The following PLA2G4D variants were observed in gnomAD, a reference collection of about 807,000 sequenced individuals.
The protein encoded by PLA2G4D is cytosolic phospholipase A2 delta.
PLA2G4D carries 80 observed loss-of-function variants against 94.4 expected under a neutral mutation model. The observed-to-expected ratio is 0.85, with a 90% CI of 0.71 to 1.02. The LOEUF is 1.02. PLA2G4D is among the 50% of genes least tolerant of loss of function. The pLI is 0.00. For synonymous variants in PLA2G4D, 438 were observed against 440.9 expected (o/e 0.99, Z 0.08); for missense variants, 1,050 against 1,034.7 (o/e 1.01, Z -0.20).
At chr15:42,090,078 G>T (rs1432626516) in intron 1 of PLA2G4D, among the ~76,000 whole-genome samples, 3 of 152,200 alleles carry the variant, frequency 2.0e-5, no homozygotes. Context: ...GGGGCTTAAA[G>T]GCAGACTCTG....
At chr15:42,081,179 C>T in intron 11 of PLA2G4D, 46 bp from the exon 12 acceptor site, 2 of 1,595,654 alleles carry the variant, frequency 1.3e-6, no homozygotes, top group Non-Finnish European at 1.7e-6. Flanking sequence ...AAGGGGCCAG[C>T]TGCCTCCTGT....
intron 18 of PLA2G4D, 37 bp downstream of exon 18, chr15:42,070,680 G>A (rs1351207435): frequency 6.5e-7 from 1 of 1,540,800 alleles, no homozygotes; most frequent in African/African-American, 1.4e-5. Context: ...GCTTGGCCTG[G>A]CTGGGCAGAG....
Position 42,094,511 on chromosome 15 carries a change from C to G in PLA2G4D, c.-52G>C, listed in dbSNP as rs779883747. On this transcript the variant is annotated 5_prime_UTR_variant, in exon 1 of 20. Coordinates refer to ENST00000290472, the MANE Select transcript of PLA2G4D (RefSeq NM_178034.4). ...CCCAGCCCTTGCCAAGATGCTGGCT[C>G]TCTGGCTGAGTGGCAGCGACGGTCC... The G allele has an allele frequency of 5.6e-6, 9 of 1,610,816 alleles. No homozygotes were observed. Among genetic ancestry groups the G allele is most frequent in the Admixed American group, 3.3e-5 (2 of 59,956 alleles).
chr15:42,094,471 C>T lies in PLA2G4D; in HGVS notation c.-12G>A. On this transcript the variant is annotated 5_prime_UTR_variant, in exon 1 of 20. Coordinates refer to ENST00000290472, the MANE Select transcript of PLA2G4D (RefSeq NM_178034.4). ...GACAGGCTCTCCATGCTAGCCCTTC[C>T]AGCTTCACTCCAGGCCCAGCCCTTG... 6.2e-7 allele frequency: 1 copy of T among 1,614,126 alleles called. No individual in the cohort carries two copies. The highest frequency in any genetic ancestry group is 1.1e-5 in the South Asian group (1 of 91,086).
In PLA2G4D at chr15:42,081,513, G is replaced by C. The variant is rs773602556; in HGVS notation, c.923C>G (p.Ala308Gly). 42 of 1,614,186 alleles carry C rather than the reference G, an allele frequency of 2.6e-5. No homozygotes were observed. The highest frequency in any genetic ancestry group is 3.3e-4 in the Middle Eastern group (2 of 6,062). The change falls in exon 11 of 20, where the codon GCC becomes GGC. Residue 308 changes from alanine to glycine, a missense_variant. Coordinates refer to ENST00000290472, the MANE Select transcript of PLA2G4D (RefSeq NM_178034.4). ...CTGCAGGTCTCTGTCCAGCTGCAGGGCCTGCTTCAGGGCCTTGGCCACCAC... is the reference window on the plus strand; with the variant it reads ...CTGCAGGTCTCTGTCCAGCTGCAGGCCCTGCTTCAGGGCCTTGGCCACCAC... ...KQVVAKALKQALQLDRDLQED... is the reference protein window; with the variant it reads ...KQVVAKALKQGLQLDRDLQED...
chr15:42,069,911 G>C lies in PLA2G4D; in HGVS notation c.2228C>G (p.Pro743Arg). The C allele has an allele frequency of 7.1e-7, 1 of 1,416,286 alleles. No homozygotes were observed. The highest frequency in any genetic ancestry group is 9.2e-7 in the Non-Finnish European group (1 of 1,085,168). 87.7% of individuals were successfully genotyped at this position (1,416,286 alleles called of 1,614,324 possible). The change falls in exon 19 of 20, where the codon CCC becomes CGC. Residue 743 changes from proline (P) to arginine (R), a missense_variant and splice_region_variant. Coordinates refer to ENST00000290472, the MANE Select transcript of PLA2G4D (RefSeq NM_178034.4). The stretch of plus-strand genomic sequence containing the variant: ...GTGCTTGGGAGGGGCTGCCTCACCG[G>C]GGGCTGAGTGGTCCTTGAAGGAGGC... ...VNASFKDHSA[P>R]GVQRSPAELQ... is the part of the protein sequence containing the mutation.
At position 42,079,530 on chromosome 15, in the gene PLA2G4D, G is replaced by A. The variant is rs765887048; in HGVS notation, c.1317+7C>T. The A allele has an allele frequency of 2.5e-6, 4 of 1,589,436 alleles. No individual in the cohort carries two copies. The highest frequency in any genetic ancestry group is 3.5e-5 in the Admixed American group (2 of 57,464). On this transcript the variant is annotated splice_region_variant and intron_variant, in intron 13 of 19. Coordinates refer to ENST00000290472, the MANE Select transcript of PLA2G4D (RefSeq NM_178034.4). ...ACGCGTCTCCCCCACGTGCGCAGGC[G>A]CCCTACCTGGCCGTGCAGCATGGAC...
In PLA2G4D at chr15:42,086,302, C is replaced by T; in HGVS notation, c.298G>A (p.Glu100Lys). 2 of 1,599,858 alleles carry T rather than the reference C, an allele frequency of 1.3e-6. No individual in the cohort carries two copies. The highest frequency in any genetic ancestry group is 1.7e-6 in the Non-Finnish European group (2 of 1,171,712). The change falls in exon 4 of 20, where the codon GAG (glutamate) becomes AAG (lysine). Residue 100 changes from glutamate (E) to lysine (K), a missense_variant. Transcript: ENST00000290472. Reference protein sequence around the residue: ...LSIYDEDSVTEDDICFKVLYD... With the variant: ...LSIYDEDSVTKDDICFKVLYD... ...AGAACCTTGAAGCAGATGTCATCCTCCGTGACTGAGTCCTCATCATAGATG... is the reference window on the plus strand; with the variant it reads ...AGAACCTTGAAGCAGATGTCATCCTTCGTGACTGAGTCCTCATCATAGATG...
rs1401824702 is a variant in PLA2G4D at position 42,069,998 on chromosome 15, T to C, written c.2141A>G (p.His714Arg). The C allele has an allele frequency of 6.7e-7, 1 of 1,490,878 alleles. No individual in the cohort carries two copies. The highest frequency in any genetic ancestry group is 2.6e-5 in the Admixed American group (1 of 38,072). 92.4% of individuals were successfully genotyped at this position (1,490,878 alleles called of 1,614,324 possible). Residue 714 changes from histidine to arginine, a missense_variant, in exon 19 of 20, where the codon CAC becomes CGC. Physicochemically the swap from His to Arg is conservative, Grantham distance 29. Transcript: ENST00000290472. ...PQDQHQPREC[H>R]LFSDPACPEA... is the part of the protein sequence containing the mutation. Reference sequence around the variant, plus strand: ...GGGGCAGGCGGGGTCTGAGAAGAGGTGGCATTCCCTTGGCTGGTGCTGGTC... The same window carrying C: ...GGGGCAGGCGGGGTCTGAGAAGAGGCGGCATTCCCTTGGCTGGTGCTGGTC...
chr15:42,070,473 G>A lies in PLA2G4D; in HGVS notation c.2043+244C>T, dbSNP rs2141091868. On this transcript the variant is annotated intron_variant, in intron 18 of 19. Coordinates refer to ENST00000290472, the MANE Select transcript of PLA2G4D (RefSeq NM_178034.4). ...TAGGGTCTCCTCTCAGCTCCGTCCA[G>A]CTGTTCTTTGGAGTAGGTGTGGGGA... 3.6e-6 allele frequency: 2 copies of A among 559,552 alleles called. 1 individual carries two copies. The highest frequency in any genetic ancestry group is 5.0e-5 in the South Asian group (2 of 39,636). 34.7% of individuals were successfully genotyped at this position (559,552 alleles called of 1,614,324 possible). A position where few individuals can be genotyped will look rare whatever the true frequency, so the allele number is the denominator to read the frequency against.
chr15:42,082,151 C>T, intron 9 of PLA2G4D, 128 bp downstream of exon 9: 1 of 826,110 alleles, frequency 1.2e-6, no homozygotes, highest in Non-Finnish European at 1.9e-6. Flanking sequence ...AGGCTGTTCT[C>T]AAACTCCTGA....
rs1889999352 is a variant in PLA2G4D at position 42,079,664 on chromosome 15, A to G, written c.1190T>C (p.Leu397Pro). 5 of 1,612,882 alleles carry G rather than the reference A, an allele frequency of 3.1e-6. No homozygotes were observed. In the Admixed American group the frequency reaches 5.0e-5, roughly 16 times the overall value. ...CAGGCGCTCTGGGGAAAAGACCTCC[A>G]GCTTGCTCTTGGCCAGGTGCTCCCG... is the stretch of plus-strand genomic sequence containing the variant. The part of the protein sequence containing the change: ...YAREHLAKSK[L>P]EVFSPERLAS... The change falls in exon 13 of 20, where the codon CTG (leucine) becomes CCG (proline). Residue 397 changes from leucine to proline, a missense_variant. Leu to Pro is a moderately conservative substitution (Grantham distance 98, BLOSUM62 -3). Transcript: ENST00000290472.
intron 7 of PLA2G4D, 73 bp downstream of exon 7, chr15:42,083,643 C>T (rs895137750): frequency 1.9e-5 from 30 of 1,562,108 alleles, no homozygotes; most frequent in African/African-American, 9.5e-5. Context: ...TCCTGCCCTG[C>T]GCAGGCTTCC....
chr15:42,080,961 G>C, intron 12 of PLA2G4D, 36 bp downstream of exon 12: 1 of 1,606,006 alleles, frequency 6.2e-7, no homozygotes, highest in Non-Finnish European at 8.5e-7. Context: ...TATGGCCCCT[G>C]ATTGTCTCTG....
At chr15:42,072,167 A>C in intron 14 of PLA2G4D, 108 bp downstream of exon 14, 1 of 1,114,800 alleles carries the variant, frequency 9.0e-7, no homozygotes, top group Non-Finnish European at 1.3e-6. Context: ...CCCTTCCGGA[A>C]CATTGGGCAA....
intron 7 of PLA2G4D, 43 bp from the exon 8 acceptor site, chr15:42,083,377 G>C (rs762872940): frequency 6.3e-7 from 1 of 1,585,074 alleles, no homozygotes; most frequent in East Asian, 2.2e-5. Context: ...CAAGAGCCCG[G>C]AACCCCAGCT....
chr15:42,086,986 G>A (rs961948331), intron 3 of PLA2G4D, among the ~76,000 whole-genome samples: 16 of 152,020 alleles, frequency 1.1e-4, no homozygotes, highest in African/African-American at 2.2e-4. Flanking sequence ...GATCTTTCAC[G>A]GTCTTCCACG....
At chr15:42,080,167 A>T (rs572156462) in intron 12 of PLA2G4D, among the ~76,000 whole-genome samples, 175 of 152,292 alleles carry the variant, frequency 1.1e-3, no homozygotes, top group African/African-American at 3.9e-3. Flanking sequence ...GCTGCATTTC[A>T]AATGGTCAAT....
intron 9 of PLA2G4D, 53 bp from the exon 10 acceptor site, chr15:42,081,887 C>A: frequency 1.3e-6 from 2 of 1,522,324 alleles, no homozygotes; most frequent in Non-Finnish European, 1.8e-6. Context: ...CTAAGCGGCA[C>A]ATGGGTATCC....
Sources: allele counts gnomAD v4.1 joint callset (sites outside exome capture counted in the v4.1 genomes callset), GRCh38; gene constraint gnomAD v4.1.1; transcripts MANE v1.5; gene names NCBI Gene and HGNC (gene_info 2026-07-23, HGNC 2026-07-21).